The following ADGRD1 variants were observed in gnomAD, a reference collection of about 807,000 sequenced individuals.
The protein encoded by ADGRD1 is adhesion G protein-coupled receptor D1.
A neutral mutation model predicts 113.4 loss-of-function variants in ADGRD1; 77 were observed. That is an observed-to-expected ratio of 0.68 (90% CI 0.57 to 0.82). The LOEUF (loss-of-function observed/expected upper bound fraction) is 0.82, where lower values mean the gene tolerates loss of function less well. Among genes scored for constraint, ADGRD1 ranks in the 40% least tolerant of loss-of-function variants. ADGRD1 has a pLI of 0.00. For synonymous variants in ADGRD1, 474 were observed against 475.0 expected (o/e 1.00, Z 0.03); for missense variants, 1,036 against 1,139.1 (o/e 0.91, Z 1.30).
chr12:130,959,865 G>A (rs1197412020), intron 2 of ADGRD1, among the ~76,000 whole-genome samples: 1 of 152,190 alleles, frequency 6.6e-6, no homozygotes, highest in Non-Finnish European at 1.5e-5. Flanking sequence ...TGGTCATTCT[G>A]GAGGCATTAT....
intron 13 of ADGRD1, among the ~76,000 whole-genome samples, chr12:131,044,965 C>T (rs1882527169): frequency 2.0e-5 from 3 of 152,398 alleles, no homozygotes; most frequent in Non-Finnish European, 2.9e-5. Context: ...CAGGCTTCGC[C>T]CTCTTGTTCC....
At chr12:131,040,318 A>G (rs1881988536) in intron 13 of ADGRD1, among the ~76,000 whole-genome samples, 1 of 152,150 alleles carries the variant, frequency 6.6e-6, no homozygotes, top group South Asian at 2.1e-4. Flanking sequence ...AGGAGCTGAC[A>G]TTCTCTTATT....
intron 15 of ADGRD1, among the ~76,000 whole-genome samples, chr12:131,093,067 G>A (rs965731497): frequency 6.6e-5 from 10 of 151,650 alleles, no homozygotes; most frequent in African/African-American, 9.7e-5. Context: ...CATCACGTTC[G>A]CATCGCTCTT....
chr12:131,104,368 T>TG (rs1950177462), intron 15 of ADGRD1, among the ~76,000 whole-genome samples: 1 of 152,208 alleles, frequency 6.6e-6, no homozygotes, highest in Non-Finnish European at 1.5e-5. Context: ...ATGGAGTCCT[T>TG]GCGGCCACTG....
At position 130,954,788 on chromosome 12, in the gene ADGRD1, C is replaced by A; in HGVS notation, c.103+128C>A. 1.2e-6 allele frequency: 1 copy of A among 806,314 alleles called. No individual in the cohort carries two copies. The highest frequency in any genetic ancestry group is 2.1e-6 in the Non-Finnish European group (1 of 481,248). The allele number at this position is 806,314 out of a possible 1,614,324, so 49.9% of individuals were successfully genotyped here. On this transcript the variant is annotated intron_variant, in intron 2 of 24. Coordinates refer to ENST00000261654, the MANE Select transcript of ADGRD1 (RefSeq NM_198827.5). This position sits in a 1 kb window ranked among gnomAD's most constrained non-coding sequence, Gnocchi z 4.7. ...CCCTTGTTGGGCTCCTGGTCCCCGA[C>A]CTCACTGCCTCACCACACACTGTGA...
At chr12:131,002,013 A>T (rs1202575710) in intron 9 of ADGRD1, among the ~76,000 whole-genome samples, 3 of 152,226 alleles carry the variant, frequency 2.0e-5, no homozygotes, top group Non-Finnish European at 4.4e-5. Flanking sequence ...AGGGAGAAAA[A>T]AAGGCTCAAG....
chr12:131,000,764 A>AG (rs1555242428), intron 9 of ADGRD1, among the ~76,000 whole-genome samples: 36 of 151,256 alleles, frequency 2.4e-4, no homozygotes, highest in South Asian at 1.0e-3. Context: ...AAAAAAAAAA[A>AG]AGAGAGAGAG....
chr12:131,009,809 C>T (rs2136781273), intron 12 of ADGRD1, among the ~76,000 whole-genome samples: 2 of 152,192 alleles, frequency 1.3e-5, no homozygotes, highest in South Asian at 4.1e-4. Flanking sequence ...TGTGTGTGTA[C>T]ATGTGTGGTA....
intron 13 of ADGRD1, among the ~76,000 whole-genome samples, chr12:131,046,334 G>A (rs375690385): frequency 1.1e-3 from 61 of 56,168 alleles, no homozygotes; most frequent in Admixed American, 2.2e-3. Context: ...TCCCTGGTCA[G>A]TGCTCCCTCC....
At chr12:131,046,387 G>GCC (rs1392917073) in intron 13 of ADGRD1, among the ~76,000 whole-genome samples, 1 of 66,126 alleles carries the variant, frequency 1.5e-5, no homozygotes. Flanking sequence ...CCTGGTCAGT[G>GCC]TCCTCCCTGG....
chr12:131,129,525 G>C (rs1247068954), intron 20 of ADGRD1, among the ~76,000 whole-genome samples: 1 of 151,350 alleles, frequency 6.6e-6, no homozygotes, highest in African/African-American at 2.4e-5. Flanking sequence ...CCGCCCTGCT[G>C]TCTCGGTGTG....
Position 131,003,311 on chromosome 12 carries a change from C to G in ADGRD1, c.1144+9C>G. On this transcript the variant is annotated intron_variant, in intron 10 of 24. Coordinates refer to ENST00000261654, the MANE Select transcript of ADGRD1 (RefSeq NM_198827.5). This position sits in a 1 kb window ranked among gnomAD's most constrained non-coding sequence, Gnocchi z 4.8. ...CTCCTCTGCCATGGCAGGTAGCTGT[C>G]GCTTGTAAGGGTGAGCCACATGGCA... 2 of 1,592,072 alleles carry G rather than the reference C, an allele frequency of 1.3e-6. No homozygotes were observed. Among genetic ancestry groups the G allele is most frequent in the Non-Finnish European group, 1.7e-6 (2 of 1,160,772 alleles).
Position 130,971,565 on chromosome 12 carries a change from C to T in ADGRD1, c.295C>T (p.Gln99Ter). The change falls in exon 4 of 25, where the codon CAG (glutamine) becomes TAG (stop). Residue 99 changes from glutamine to a stop codon, truncating the protein, a stop_gained. Transcript: ENST00000261654. LOFTEE classifies it high-confidence loss of function. This position sits in a 1 kb window ranked among gnomAD's most constrained non-coding sequence, Gnocchi z 4.2. ...YNSSCISKPEQCGPEGVTFSF... is the reference protein window; with the variant it reads ...YNSSCISKPE ...CAGCTCCTGCATCAGCAAGCCAGAG[C>T]AGTGTGGCCCTGAAGGTGAGTGGCT... is the stretch of plus-strand genomic sequence containing the variant. 6.2e-7 allele frequency: 1 copy of T among 1,610,842 alleles called. No individual in the cohort carries two copies.
In ADGRD1 at chr12:130,981,596, T is replaced by G. The variant is rs4759819; in HGVS notation, c.311-288T>G. On this transcript the variant is annotated intron_variant, in intron 4 of 24. Coordinates refer to ENST00000261654, the MANE Select transcript of ADGRD1 (RefSeq NM_198827.5). ...TCAGTCACTGGTGACCTTGAGTGAA[T>G]GAGCCTCAGTTCCTTCATCTGTATA... is the stretch of plus-strand genomic sequence containing the variant. Among the ~76,000 whole-genome samples the G allele has an allele frequency of 1.5e-3, 223 of 152,194 alleles. 1 individual carries two copies. Among genetic ancestry groups the G allele is most frequent in the Non-Finnish European group, 2.5e-3 (171 of 68,030 alleles).
chr12:131,016,166 C>T (rs1007012214), intron 13 of ADGRD1, among the ~76,000 whole-genome samples: 1 of 152,260 alleles, frequency 6.6e-6, no homozygotes, highest in African/African-American at 2.4e-5. Flanking sequence ...CCTCCCTCCA[C>T]GCGGTCTTTG....
At position 131,084,448 on chromosome 12, in the gene ADGRD1, G is replaced by A. The variant is rs140112281; in HGVS notation, c.1548-92G>A. On this transcript the variant is annotated intron_variant, in intron 14 of 24. Transcript: ENST00000261654. This position sits in a 1 kb window ranked among gnomAD's most constrained non-coding sequence, Gnocchi z 4.5. Reference sequence around the variant, plus strand: ...GGTGTGGGCGCCGCCATGAGTTCACGGGGCCATGTGTTATGGGGGGTGCTG... The same window carrying A: ...GGTGTGGGCGCCGCCATGAGTTCACAGGGCCATGTGTTATGGGGGGTGCTG... 2,566 of 1,412,000 alleles carry A rather than the reference G, an allele frequency of 1.8e-3. 5 individuals carry two copies. Among genetic ancestry groups the A allele is most frequent in the Non-Finnish European group, 2.2e-3 (2,195 of 1,007,926 alleles). 87.5% of individuals were successfully genotyped at this position (1,412,000 alleles called of 1,614,324 possible). A position where few individuals can be genotyped will look rare whatever the true frequency, so the allele number is the denominator to read the frequency against.
chr12:131,101,365 T>A (rs1950072136), intron 15 of ADGRD1, among the ~76,000 whole-genome samples: 1 of 100,040 alleles, frequency 1.0e-5, no homozygotes, highest in Non-Finnish European at 2.1e-5. Context: ...TTTTTTTTCT[T>A]TTTCTTTCTT....
intron 14 of ADGRD1, among the ~76,000 whole-genome samples, chr12:131,083,500 G>A (rs377557342): frequency 1.1e-4 from 17 of 152,230 alleles, no homozygotes; most frequent in Middle Eastern, 6.8e-3. Context: ...CCAGCTACTT[G>A]GGAGGCTGAG....
At chr12:131,130,072 G>A (rs772151376) in intron 20 of ADGRD1, among the ~76,000 whole-genome samples, 1 of 152,236 alleles carries the variant, frequency 6.6e-6, no homozygotes, top group African/African-American at 2.4e-5. Context: ...TGTCATCCAC[G>A]CTGCTCCCGC....
Sources: allele counts gnomAD v4.1 joint callset (sites outside exome capture counted in the v4.1 genomes callset), GRCh38; gene constraint gnomAD v4.1.1; non-coding constraint Gnocchi (gnomAD v3.1); transcripts MANE v1.5; gene names NCBI Gene and HGNC (gene_info 2026-07-23, HGNC 2026-07-21).